Variants in TMEM132D observed in about 807,000 individuals in gnomAD.
TMEM132D encodes mature OL transmembrane protein.
A neutral mutation model predicts 62.3 loss-of-function variants in TMEM132D; 21 were observed. The observed-to-expected ratio is 0.34, with a 90% CI of 0.24 to 0.49. The LOEUF (loss-of-function observed/expected upper bound fraction) is 0.49, where lower values mean the gene tolerates loss of function less well. Ranked by LOEUF, TMEM132D falls within the 20% of genes least tolerant of loss-of-function variation. The probability of loss-of-function intolerance (pLI) is 0.99; values close to 1 mark genes in which losing one functional copy is unlikely to be tolerated. For missense variants in TMEM132D, 1,346 were observed against 1,402.8 expected (o/e 0.96, Z 0.65); for synonymous variants, 621 against 575.6 (o/e 1.08, Z -1.13).
intron 1 of TMEM132D, among the ~76,000 whole-genome samples, chr12:129,811,730 C>G (rs1872190134): frequency 6.6e-6 from 1 of 151,814 alleles, no homozygotes. Flanking sequence ...AGACGCCAGA[C>G]AGATACGGGG....
At chr12:129,596,036 G>C (rs1183289262) in intron 2 of TMEM132D, among the ~76,000 whole-genome samples, 1 of 152,248 alleles carries the variant, frequency 6.6e-6, no homozygotes, top group Non-Finnish European at 1.5e-5. Flanking sequence ...GCTAGAGTTT[G>C]AAGAATAGGC....
intron 5 of TMEM132D, among the ~76,000 whole-genome samples, chr12:129,140,421 A>G (rs527551753): frequency 6.5e-4 from 99 of 152,106 alleles, no homozygotes; most frequent in African/African-American, 2.2e-3. Flanking sequence ...CCCCTCCCCA[A>G]TCCCTGACCA....
chr12:129,648,712 T>C lies in TMEM132D; in HGVS notation c.968+51098A>G, dbSNP rs1048407798. The stretch of plus-strand genomic sequence containing the variant: ...TTTTATTGGCAACAAATCACCAAAG[T>C]GGTGCCTAAACCACAGTATTTTATG... On this transcript the variant is annotated intron_variant, in intron 2 of 8. Coordinates refer to ENST00000422113, the MANE Select transcript of TMEM132D (RefSeq NM_133448.3). Among the ~76,000 whole-genome samples the C allele has an allele frequency of 2.0e-5, 3 of 152,254 alleles. No homozygotes were observed. The South Asian group carries it at 6.2e-4, about 31-fold the overall frequency.
chr12:129,527,145 C>G (rs1876071314), intron 3 of TMEM132D, among the ~76,000 whole-genome samples: 1 of 152,080 alleles, frequency 6.6e-6, no homozygotes, highest in African/African-American at 2.4e-5. Flanking sequence ...CCCACCTCTA[C>G]TATATATACA....
intron 2 of TMEM132D, among the ~76,000 whole-genome samples, chr12:129,564,181 G>A (rs1379245131): frequency 6.6e-6 from 1 of 152,170 alleles, no homozygotes; most frequent in Non-Finnish European, 1.5e-5. Flanking sequence ...ACTCAAAGCT[G>A]ATGACATGCC....
chr12:129,173,687 T>C (rs1483346542), intron 5 of TMEM132D, among the ~76,000 whole-genome samples: 2 of 152,236 alleles, frequency 1.3e-5, no homozygotes, highest in East Asian at 1.9e-4. Flanking sequence ...GATAATACCA[T>C]TTTTGTAGCT....
chr12:129,363,161 T>A (rs569025292), intron 3 of TMEM132D, among the ~76,000 whole-genome samples: 64 of 152,186 alleles, frequency 4.2e-4, no homozygotes, highest in Non-Finnish European at 3.5e-4. Flanking sequence ...CAGCTTTGCT[T>A]GACAAGCGTC....
chr12:129,392,281 T>G (rs1871308815), intron 3 of TMEM132D, among the ~76,000 whole-genome samples: 1 of 150,712 alleles, frequency 6.6e-6, no homozygotes, highest in African/African-American at 2.5e-5. Context: ...GGTCTCAAAC[T>G]CCTGACCTCA....
At chr12:129,374,916 C>T (rs1040290086) in intron 3 of TMEM132D, among the ~76,000 whole-genome samples, 1 of 152,196 alleles carries the variant, frequency 6.6e-6, no homozygotes. Flanking sequence ...CACCCACAAG[C>T]CATGAGAGGT....
chr12:129,096,043 C>G (rs1256378756), intron 5 of TMEM132D, among the ~76,000 whole-genome samples: 1 of 152,144 alleles, frequency 6.6e-6, no homozygotes, highest in Non-Finnish European at 1.5e-5. Context: ...CTTCATAGAT[C>G]AGAGGTGTTA....
At chr12:129,433,728 C>A (rs113751014) in intron 3 of TMEM132D, among the ~76,000 whole-genome samples, 1 of 152,086 alleles carries the variant, frequency 6.6e-6, no homozygotes, top group Non-Finnish European at 1.5e-5. Context: ...AAGGCCAGAG[C>A]GTGGCTGCCA....
intron 2 of TMEM132D, among the ~76,000 whole-genome samples, chr12:129,654,168 A>C (rs1880005040): frequency 1.3e-5 from 2 of 152,242 alleles, no homozygotes; most frequent in South Asian, 4.2e-4. Context: ...TCTATCAAGG[A>C]TACATGCCGA....
chr12:129,167,181 AC>A, intron 5 of TMEM132D, among the ~76,000 whole-genome samples: 1 of 148,854 alleles, frequency 6.7e-6, no homozygotes, highest in East Asian at 2.0e-4. Context: ...CAAAAAAAAA[AC>A]CAGTGCCAAC....
chr12:129,809,738 C>A (rs1411799193), intron 1 of TMEM132D, among the ~76,000 whole-genome samples: 1 of 151,900 alleles, frequency 6.6e-6, no homozygotes, highest in Non-Finnish European at 1.5e-5. Flanking sequence ...AAATAATAAG[C>A]CTCCAGTTAG....
intron 1 of TMEM132D, among the ~76,000 whole-genome samples, chr12:129,850,497 C>T (rs1482367162): frequency 6.6e-6 from 1 of 152,204 alleles, no homozygotes; most frequent in African/African-American, 2.4e-5. Context: ...CAAGATTCCT[C>T]TAAGTACACA....
chr12:129,640,592 G>A (rs1879619025), intron 2 of TMEM132D, among the ~76,000 whole-genome samples: 1 of 152,152 alleles, frequency 6.6e-6, no homozygotes, highest in Non-Finnish European at 1.5e-5. Flanking sequence ...GAATCTAGGA[G>A]GGACCTGGAG....
intron 4 of TMEM132D, among the ~76,000 whole-genome samples, chr12:129,243,212 T>C (rs7964261): frequency 0.4 from 61,249 of 152,114 alleles, 13,537 homozygotes; most frequent in Middle Eastern, 0.5. Context: ...TTATCAGATG[T>C]AATGTAAGCA....
intron 3 of TMEM132D, among the ~76,000 whole-genome samples, chr12:129,403,130 T>G (rs896764934): frequency 1.6e-4 from 24 of 151,740 alleles, no homozygotes; most frequent in African/African-American, 5.8e-4. Context: ...CCAAACAATA[T>G]TCTTCATCTG....
intron 4 of TMEM132D, among the ~76,000 whole-genome samples, chr12:129,253,816 T>A (rs1375785000): frequency 6.6e-6 from 1 of 152,198 alleles, no homozygotes; most frequent in Non-Finnish European, 1.5e-5. Context: ...CAGGGGAGAC[T>A]GGCTCTGGTG....
Sources: allele counts gnomAD v4.1 joint callset (sites outside exome capture counted in the v4.1 genomes callset), GRCh38; gene constraint gnomAD v4.1.1; transcripts MANE v1.5; gene names NCBI Gene and HGNC (gene_info 2026-07-23, HGNC 2026-07-21).